Variants in IL7R observed in about 807,000 individuals in gnomAD.
IL7R encodes the protein interleukin-7 receptor subunit alpha.
A neutral mutation model predicts 47.0 loss-of-function variants in IL7R; 38 were observed. That is an observed-to-expected ratio of 0.81 (90% confidence interval 0.62 to 1.06). The LOEUF is 1.06. IL7R is among the 50% of genes least tolerant of loss of function. The pLI, the probability that IL7R is intolerant of heterozygous loss-of-function variation, is 0.00. For missense variants in IL7R, 633 were observed against 534.8 expected (o/e 1.18, Z -1.81); for synonymous variants, 221 against 199.8 (o/e 1.11, Z -0.89).
At chr5:35,862,802 C>T (rs75143427) in intron 2 of IL7R, among the ~76,000 whole-genome samples, 6 of 152,212 alleles carry the variant, frequency 3.9e-5, no homozygotes, top group Non-Finnish European at 7.4e-5. Flanking sequence ...ACATACTTTC[C>T]TTACAAATAT....
At position 35,874,128 on chromosome 5, in the gene IL7R, G is replaced by T. The variant is rs975436658; in HGVS notation, c.707-321G>T. On this transcript the variant is annotated intron_variant, in intron 5 of 7. Transcript: ENST00000303115. ...ATCTCCTCCCTAAAATTTGCAACAG[G>T]GGTGAACATCCCTCTCATCATCTCC... Among the ~76,000 whole-genome samples the T allele has an allele frequency of 3.3e-5, 5 of 152,100 alleles. No individual in the cohort carries two copies. In the South Asian group the frequency reaches 1.0e-3, roughly 32 times the overall value.
At chr5:35,875,751 G>C in intron 7 of IL7R, 164 bp downstream of exon 7, 1 of 768,798 alleles carries the variant, frequency 1.3e-6, no homozygotes, top group South Asian at 1.5e-5. Flanking sequence ...ACTGAAATAA[G>C]ATACACATCT....
chr5:35,879,438 G>A lies in IL7R; in HGVS notation c.*2952G>A. ...ATTTTTGTCAGCTCTGTGGTTTATT[G>A]TTGGGACTATTCTTTAAAATATCCA... On this transcript the variant is annotated 3_prime_UTR_variant, in exon 8 of 8. Coordinates refer to ENST00000303115, the MANE Select transcript of IL7R (RefSeq NM_002185.5). The A allele has an allele frequency of 4.3e-6, 1 of 232,814 alleles. No homozygotes were observed. Among genetic ancestry groups the A allele is most frequent in the Admixed American group, 5.6e-5 (1 of 17,780 alleles). The allele number at this position is 232,814 out of a possible 1,614,324, so 14.4% of individuals were successfully genotyped here.
At chr5:35,874,774 GC>G (rs1054456777) in intron 6 of IL7R, among the ~76,000 whole-genome samples, 1 of 152,196 alleles carries the variant, frequency 6.6e-6, no homozygotes, top group African/African-American at 2.4e-5. Context: ...ATTCCGTAAT[GC>G]AATGTTTCCC....
rs1289235909 is a variant in IL7R, at chr5:35,876,118, CA to C, written c.1013del (p.Gln338ArgfsTer17). ...FPQQLEESEK[Q>X]RLGGDVQSPN... is the part of the protein sequence containing the mutation. ...TCAGCAACTAGAAGAATCTGAGAAG[CA>C]GAGGCTTGGAGGGGATGTGCAGAGC... On this transcript the variant is annotated frameshift_variant, in exon 8 of 8. Transcript: ENST00000303115. LOFTEE classifies it high-confidence loss of function. The C allele has an allele frequency of 6.2e-7, 1 of 1,614,070 alleles. No homozygotes were observed.
intron 2 of IL7R, among the ~76,000 whole-genome samples, chr5:35,866,826 A>G (rs146423012): frequency 8.5e-5 from 13 of 152,214 alleles, no homozygotes; most frequent in Non-Finnish European, 1.6e-4. Context: ...AAAATTACCT[A>G]TAAAAATCCA....
In IL7R at chr5:35,876,011, G is replaced by A. The variant is rs1380648416; in HGVS notation, c.905G>A (p.Ser302Asn). ...KNLNVSFNPE[S>N]FLDCQIHRVD... ...TTAAATGTGAGTTTCAATCCTGAAA[G>A]TTTCCTGGACTGCCAGATTCATAGG... Residue 302 changes from serine to asparagine, a missense_variant, in exon 8 of 8, where the codon AGT becomes AAT. By Grantham distance (46) the Ser-to-Asn change is conservative. Transcript: ENST00000303115. 1 of 1,613,720 alleles carries A rather than the reference G, an allele frequency of 6.2e-7. No individual in the cohort carries two copies.
Position 35,863,246 on chromosome 5 carries a change from T to A in IL7R, c.221+2256T>A, listed in dbSNP as rs182662070. Among the ~76,000 whole-genome samples the A allele has an allele frequency of 8.5e-5, 13 of 152,254 alleles. 1 individual carries two copies. Among genetic ancestry groups the A allele is most frequent in the Non-Finnish European group, 8.8e-5 (6 of 68,002 alleles). Reference sequence around the variant, plus strand: ...AATACATTTAGCCAGTTAATTAACTTAACATTTCTTCACCAATCTCTAGTT... The same window carrying A: ...AATACATTTAGCCAGTTAATTAACTAAACATTTCTTCACCAATCTCTAGTT... On this transcript the variant is annotated intron_variant, in intron 2 of 7. Transcript: ENST00000303115.
chr5:35,860,934 G>A lies in IL7R; in HGVS notation c.165G>A (p.Leu55=), dbSNP rs748495760. Residue 55 remains leucine (L), a synonymous_variant, in exon 2 of 8, where the codon CTG becomes CTA. Transcript: ENST00000303115. ...AAGTGAATGGATCGCAGCACTCACTGACCTGTGCTTTTGAGGACCCAGATG... is the reference window on the plus strand; with the variant it reads ...AAGTGAATGGATCGCAGCACTCACTAACCTGTGCTTTTGAGGACCCAGATG... ...QLEVNGSQHS[L]TCAFEDPDVN... is the part of the protein sequence containing the mutation. 1.2e-6 allele frequency: 2 copies of A among 1,613,330 alleles called. No individual in the cohort carries two copies. The highest frequency in any genetic ancestry group is 2.2e-5 in the South Asian group (2 of 91,076).
In IL7R at chr5:35,878,733, A is replaced by G. The variant is rs2149907843; in HGVS notation, c.*2247A>G. 4.3e-6 allele frequency: 1 copy of G among 232,978 alleles called. No individual in the cohort carries two copies. Among genetic ancestry groups the G allele is most frequent in the South Asian group, 1.8e-4 (1 of 5,518 alleles). 14.4% of individuals were successfully genotyped at this position (232,978 alleles called of 1,614,324 possible). On this transcript the variant is annotated 3_prime_UTR_variant, in exon 8 of 8. Transcript: ENST00000303115. Reference sequence around the variant, plus strand: ...TTCTTTGACTTATGGGAAAACTGGGACACAGGAAGACAGGTAAATTACCCA... The same window carrying G: ...TTCTTTGACTTATGGGAAAACTGGGGCACAGGAAGACAGGTAAATTACCCA...
intron 3 of IL7R, 153 bp downstream of exon 3, chr5:35,867,616 A>T: frequency 1.4e-6 from 1 of 704,186 alleles, no homozygotes; most frequent in Non-Finnish European, 2.5e-6. Flanking sequence ...ATAATAAATG[A>T]AAAGCTTGAA....
At chr5:35,865,708 C>G (rs2149898260) in intron 2 of IL7R, among the ~76,000 whole-genome samples, 1 of 152,030 alleles carries the variant, frequency 6.6e-6, no homozygotes, top group Admixed American at 6.6e-5. Flanking sequence ...CTCTGATGGC[C>G]ATTGATGGCT....
intron 4 of IL7R, among the ~76,000 whole-genome samples, chr5:35,871,915 C>G (rs1760083061): frequency 6.6e-6 from 1 of 152,126 alleles, no homozygotes; most frequent in Admixed American, 6.5e-5. Flanking sequence ...GATGATTTCT[C>G]TTCCTCAAGT....
At chr5:35,875,863 A>T in intron 7 of IL7R, 120 bp from the exon 8 acceptor site, 1 of 1,118,666 alleles carries the variant, frequency 8.9e-7, no homozygotes, top group Non-Finnish European at 1.3e-6. Context: ...ATTGAGGAAC[A>T]TGCTGGCAAT....
At position 35,873,492 on chromosome 5, in the gene IL7R, T is replaced by C. The variant is rs1254913003; in HGVS notation, c.550T>C (p.Ser184Pro). ...DENKWTHVNL[S>P]STKLTLLQRK... is the part of the protein sequence containing the mutation. ...CTCTACTCTCTAGCATGTGAATTTATCCAGCACAAAGCTGACACTCCTGCA... is the reference window on the plus strand; with the variant it reads ...CTCTACTCTCTAGCATGTGAATTTACCCAGCACAAAGCTGACACTCCTGCA... The change falls in exon 5 of 8, where the codon TCC becomes CCC. Residue 184 changes from serine to proline, a missense_variant. Physicochemically the swap from Ser to Pro is moderately conservative, Grantham distance 74 (BLOSUM62 -1). Coordinates refer to ENST00000303115, the MANE Select transcript of IL7R (RefSeq NM_002185.5). 1.9e-6 allele frequency: 3 copies of C among 1,613,914 alleles called. No homozygotes were observed. Among genetic ancestry groups the C allele is most frequent in the East Asian group, 2.2e-5 (1 of 44,898 alleles).
At chr5:35,868,410 A>G (rs896855458) in intron 3 of IL7R, among the ~76,000 whole-genome samples, 1 of 152,238 alleles carries the variant, frequency 6.6e-6, no homozygotes, top group African/African-American at 2.4e-5. Context: ...ATGATAAAAT[A>G]GAGAGGTAAA....
At chr5:35,859,440 C>G (rs1759744411) in intron 1 of IL7R, among the ~76,000 whole-genome samples, 1 of 152,150 alleles carries the variant, frequency 6.6e-6, no homozygotes, top group African/African-American at 2.4e-5. Context: ...AGTGGGCTGT[C>G]TCTCATTATT....
In IL7R at chr5:35,860,953, C is replaced by G. The variant is rs2149895721; in HGVS notation, c.184C>G (p.Pro62Ala). The G allele has an allele frequency of 6.2e-7, 1 of 1,613,594 alleles. No individual in the cohort carries two copies. Among genetic ancestry groups the G allele is most frequent in the East Asian group, 2.2e-5 (1 of 44,874 alleles). Residue 62 changes from proline (P) to alanine (A), a missense_variant, in exon 2 of 8, where the codon CCA becomes GCA. Transcript: ENST00000303115. ...CTCACTGACCTGTGCTTTTGAGGAC[C>G]CAGATGTCAACATCACCAATCTGGA... ...QHSLTCAFED[P>A]DVNITNLEFE...
intron 3 of IL7R, among the ~76,000 whole-genome samples, chr5:35,870,725 A>G (rs1340569265): frequency 2.6e-5 from 4 of 152,062 alleles, no homozygotes; most frequent in Admixed American, 2.0e-4. Context: ...GGCACTTTCC[A>G]TCTTGTGGCT....
Sources: gnomAD v4.1 joint callset for allele counts (sites outside exome capture counted in the v4.1 genomes callset) on GRCh38, gnomAD v4.1.1 for gene constraint, MANE v1.5 for transcripts, NCBI Gene and HGNC (gene_info 2026-07-23, HGNC 2026-07-21) for gene names.